The following TBKBP1 variants were observed in gnomAD, a reference collection of about 807,000 sequenced individuals.
TBKBP1 encodes TBK1 binding protein 1.
Under a neutral mutation model 69.9 loss-of-function variants are expected in TBKBP1, and 47 were observed. The ratio of observed to expected loss-of-function variants is 0.67; its 90% CI spans 0.53 to 0.86. TBKBP1 has a LOEUF of 0.86. TBKBP1 is among the 40% of genes least tolerant of loss of function. TBKBP1 has a pLI of 0.00. For synonymous variants in TBKBP1, 418 were observed against 390.3 expected (o/e 1.07, Z -0.84); for missense variants, 831 against 858.6 (o/e 0.97, Z 0.40).
In TBKBP1 at chr17:47,708,773, G is replaced by GGGCCCCCC; in HGVS notation, c.1040_1041insGGCCCCCC (p.Cys347TrpfsTer109). On this transcript the variant is annotated frameshift_variant, in exon 9 of 10. Coordinates refer to ENST00000578982, the MANE Select transcript of TBKBP1 (RefSeq NM_001394755.1). LOFTEE classifies it high-confidence loss of function. This position sits in a 1 kb window ranked among gnomAD's most constrained non-coding sequence, Gnocchi z 4.4. ...CAACGCCACTCCCCGGCCCCCCAGT[G>GGGCCCCCC]CCCCTCCCCCTCCCCGCCTGCCCGA... 1 of 881,984 alleles carries GGGCCCCCC rather than the reference G, an allele frequency of 1.1e-6. No homozygotes were observed. Among genetic ancestry groups the GGGCCCCCC allele is most frequent in the Non-Finnish European group, 1.6e-6 (1 of 612,608 alleles). 54.6% of individuals were successfully genotyped at this position (881,984 alleles called of 1,614,324 possible).
At position 47,709,404 on chromosome 17, in the gene TBKBP1, C is replaced by T. The variant is rs1452770464; in HGVS notation, c.1671C>T (p.Ala557=). The T allele has an allele frequency of 6.5e-7, 1 of 1,539,070 alleles. No homozygotes were observed. Among genetic ancestry groups the T allele is most frequent in the Admixed American group, 1.9e-5 (1 of 52,408 alleles). ...AGFPIPESPA[A]TAYAHAEHAQ... ...TCCCCATCCCCGAGTCGCCCGCCGCCACCGCCTACGCCCACGCCGAGCACG... is the reference window on the plus strand; with the variant it reads ...TCCCCATCCCCGAGTCGCCCGCCGCTACCGCCTACGCCCACGCCGAGCACG... The change falls in exon 9 of 10, where the codon GCC becomes GCT. Residue 557 remains alanine, a synonymous_variant. Coordinates refer to ENST00000578982, the MANE Select transcript of TBKBP1 (RefSeq NM_001394755.1).
chr17:47,700,812 C>T (rs1288214416), intron 7 of TBKBP1, among the ~76,000 whole-genome samples: 2 of 152,046 alleles, frequency 1.3e-5, no homozygotes, highest in South Asian at 4.1e-4. Flanking sequence ...TGGTGGGGGG[C>T]CCAGTGCTGG....
intron 7 of TBKBP1, among the ~76,000 whole-genome samples, chr17:47,706,601 A>C (rs1174356605): frequency 6.6e-6 from 1 of 152,104 alleles, no homozygotes; most frequent in Non-Finnish European, 1.5e-5. Context: ...CCCTAAGAAG[A>C]GGGCTGTCTC....
At chr17:47,699,037 C>T (rs1017397202) in intron 5 of TBKBP1, among the ~76,000 whole-genome samples, 5 of 152,122 alleles carry the variant, frequency 3.3e-5, no homozygotes, top group African/African-American at 9.7e-5. Flanking sequence ...CCCCCCGCCC[C>T]GTCTCTGGCT....
chr17:47,707,093 TC>T (rs1051956573), intron 7 of TBKBP1, among the ~76,000 whole-genome samples: 5 of 152,132 alleles, frequency 3.3e-5, no homozygotes, highest in African/African-American at 1.2e-4. Flanking sequence ...TCCACTAAGT[TC>T]CCCGAGTCCC....
chr17:47,709,205 C>CCTACGGCAGCGAGCT lies in TBKBP1; in HGVS notation c.1480_1494dup (p.Ser494_Gly498dup). 6.6e-7 allele frequency: 1 copy of CCTACGGCAGCGAGCT among 1,517,136 alleles called. No individual in the cohort carries two copies. The highest frequency in any genetic ancestry group is 1.2e-5 in the South Asian group (1 of 81,540). The allele number at this position is 1,517,136 out of a possible 1,614,324, so 94.0% of individuals were successfully genotyped here. Reference sequence around the variant, plus strand: ...GCGGCCACTCTCCCCAAGCCCCGGGCCTACGGCAGCGAGCTCTACGGCCCT... The same window carrying CCTACGGCAGCGAGCT: ...GCGGCCACTCTCCCCAAGCCCCGGGCCTACGGCAGCGAGCTCTACGGCAGCGAGCTCTACGGCCCT... On this transcript the variant is annotated inframe_insertion, in exon 9 of 10. Transcript: ENST00000578982.
chr17:47,701,012 G>A (rs994870602), intron 7 of TBKBP1, among the ~76,000 whole-genome samples: 2 of 152,148 alleles, frequency 1.3e-5, no homozygotes, highest in African/African-American at 4.8e-5. Context: ...TACTCTAATT[G>A]GAGGAGAAGA....
At position 47,708,742 on chromosome 17, in the gene TBKBP1, C is replaced by A; in HGVS notation, c.1009C>A (p.Leu337Met). ...ARSGGQRHSP[L>M]SQRHSPAPQC... ...TCTTCCAGGCCAGAGGCACTCGCCGCTGTCACAACGCCACTCCCCGGCCCC... is the reference window on the plus strand; with the variant it reads ...TCTTCCAGGCCAGAGGCACTCGCCGATGTCACAACGCCACTCCCCGGCCCC... The change falls in exon 9 of 10, where the codon CTG (leucine) becomes ATG (methionine). Residue 337 changes from leucine to methionine, a missense_variant. Physicochemically the swap from Leu to Met is conservative, Grantham distance 15. Transcript: ENST00000578982. The surrounding 1 kb of genome is among the most constrained non-coding windows in gnomAD (Gnocchi z 4.4). 6.7e-7 allele frequency: 1 copy of A among 1,489,430 alleles called. No individual in the cohort carries two copies. The highest frequency in any genetic ancestry group is 8.9e-7 in the Non-Finnish European group (1 of 1,122,838). The allele number at this position is 1,489,430 out of a possible 1,614,324, so 92.3% of individuals were successfully genotyped here.
At chr17:47,697,235 GGTT>G (rs1208770376) in intron 4 of TBKBP1, 42 bp downstream of exon 4, 4 of 1,547,238 alleles carry the variant, frequency 2.6e-6, no homozygotes, top group Non-Finnish European at 3.5e-6. Flanking sequence ...ATGTGTAGCT[GGTT>G]GTGTGTGTGC....
Position 47,708,369 on chromosome 17 carries a change from CT to C in TBKBP1, c.873-22del. 6.2e-7 allele frequency: 1 copy of C among 1,613,022 alleles called. No individual in the cohort carries two copies. Among genetic ancestry groups the C allele is most frequent in the Non-Finnish European group, 8.5e-7 (1 of 1,179,112 alleles). On this transcript the variant is annotated intron_variant, in intron 7 of 9. Coordinates refer to ENST00000578982, the MANE Select transcript of TBKBP1 (RefSeq NM_001394755.1). The surrounding 1 kb of genome is among the most constrained non-coding windows in gnomAD (Gnocchi z 4.4). ...ACGGTAGACCCACTGCCCTTCTCGT[CT>C]TTCCCACTGCCCTCTGACTTCAGGG...
chr17:47,709,476 C>T (rs766292570), intron 9 of TBKBP1, 24 bp downstream of exon 9: 32 of 1,491,508 alleles, frequency 2.1e-5, no homozygotes, highest in Admixed American at 4.5e-5. Context: ...CCGCGTTCCG[C>T]CCACCCCGGA....
At chr17:47,696,599 G>A in intron 2 of TBKBP1, 112 bp from the exon 3 acceptor site, 3 of 1,537,396 alleles carry the variant, frequency 2.0e-6, no homozygotes, top group South Asian at 2.3e-5. Context: ...ACTAGCCAAG[G>A]AGAAGGAGGG....
intron 4 of TBKBP1, among the ~76,000 whole-genome samples, chr17:47,698,100 G>A (rs1034809515): frequency 2.0e-5 from 3 of 152,066 alleles, no homozygotes; most frequent in Admixed American, 1.3e-4. Context: ...GGGTGATGGG[G>A]CATTCATGTA....
chr17:47,698,555 C>T, intron 4 of TBKBP1, 40 bp from the exon 5 acceptor site: 10 of 1,533,184 alleles, frequency 6.5e-6, no homozygotes, highest in Non-Finnish European at 8.8e-6. Flanking sequence ...TGGGGAAGTC[C>T]TGGGCCTGTG....
At position 47,702,489 on chromosome 17, in the gene TBKBP1, C is replaced by T. The variant is rs551626784; in HGVS notation, c.872+2792C>T. Reference sequence around the variant, plus strand: ...GGCAGCCAGTTTTATTGCGGGAGTCCTCAAGGTTAACCGCCCCCACCCCCA... The same window carrying T: ...GGCAGCCAGTTTTATTGCGGGAGTCTTCAAGGTTAACCGCCCCCACCCCCA... On this transcript the variant is annotated intron_variant, in intron 7 of 9. Transcript: ENST00000578982. Among the ~76,000 whole-genome samples, 11 of 152,198 alleles carry T rather than the reference C, an allele frequency of 7.2e-5. No individual in the cohort carries two copies. The East Asian group carries it at 1.7e-3, about 24-fold the overall frequency.
At chr17:47,705,599 G>A (rs1392951727) in intron 7 of TBKBP1, among the ~76,000 whole-genome samples, 2 of 152,232 alleles carry the variant, frequency 1.3e-5, no homozygotes, top group East Asian at 3.8e-4. Flanking sequence ...ACTCAGGTGT[G>A]GGCCAGGAAG....
chr17:47,705,833 C>T (rs1021119788), intron 7 of TBKBP1, among the ~76,000 whole-genome samples: 1 of 152,192 alleles, frequency 6.6e-6, no homozygotes, highest in Non-Finnish European at 1.5e-5. Context: ...AAGTCAATCA[C>T]CTTGCCGGGG....
chr17:47,709,889 T>G (rs532898510), intron 9 of TBKBP1, among the ~76,000 whole-genome samples: 1 of 152,368 alleles, frequency 6.6e-6, no homozygotes, highest in South Asian at 2.1e-4. Flanking sequence ...GCACAGTGCC[T>G]GGCTCAAGCA....
At chr17:47,694,247 G>A (rs1467361822) in intron 1 of TBKBP1, 53 bp downstream of exon 1, 2 of 150,288 alleles carry the variant, frequency 1.3e-5, no homozygotes, top group African/African-American at 2.5e-5. Context: ...GCCCGGGCTG[G>A]GCCCCAGGGG....
Sources: allele counts gnomAD v4.1 joint callset (sites outside exome capture counted in the v4.1 genomes callset), GRCh38; gene constraint gnomAD v4.1.1; non-coding constraint Gnocchi (gnomAD v3.1); transcripts MANE v1.5; gene names NCBI Gene and HGNC (gene_info 2026-07-23, HGNC 2026-07-21).